Variants in RASSF1 observed in about 807,000 individuals in gnomAD.
The protein encoded by RASSF1 is ras association domain-containing protein 1.
In RASSF1, 33 loss-of-function variants were observed where a neutral mutation model predicts 34.3. The observed-to-expected ratio is 0.96, with a 90% CI of 0.73 to 1.29. RASSF1 has a LOEUF of 1.29. Among genes scored for constraint, RASSF1 ranks in the 50% most tolerant of loss-of-function variants. The pLI is 0.00. For missense variants in RASSF1, 445 were observed against 471.8 expected, an observed-to-expected ratio of 0.94 and a Z score of 0.53; for synonymous variants, 191 against 195.0, an observed-to-expected ratio of 0.98 and a Z score of 0.17.
intron 2 of RASSF1, among the ~76,000 whole-genome samples, chr3:50,335,673 T>C (rs1264777932): frequency 6.6e-6 from 1 of 152,138 alleles, no homozygotes; most frequent in Non-Finnish European, 1.5e-5. Flanking sequence ...TGGAGTGCAG[T>C]GGCACGATCT....
rs1371439196 is a variant in RASSF1, at chr3:50,340,799, C to T, written c.7G>A (p.Gly3Arg). MS[G>R]EPELIELREL... is the part of the protein sequence containing the mutation. ...CGCAGCTCAATGAGCTCAGGCTCCCCCGACATGGCCCGGTTGGGCCCGTGC... is the reference window on the plus strand; with the variant it reads ...CGCAGCTCAATGAGCTCAGGCTCCCTCGACATGGCCCGGTTGGGCCCGTGC... The change falls in exon 1 of 6, where the codon GGG becomes AGG. Residue 3 changes from glycine to arginine, a missense_variant. Coordinates refer to ENST00000359365, the MANE Select transcript of RASSF1 (RefSeq NM_007182.5). 5 of 1,507,076 alleles carry T rather than the reference C, an allele frequency of 3.3e-6. No homozygotes were observed. The African/African-American group carries it at 4.4e-5, about 13-fold the overall frequency. The allele number at this position is 1,507,076 out of a possible 1,614,324, so 93.4% of individuals were successfully genotyped here.
intron 2 of RASSF1, chr3:50,337,007 G>A (rs1195784961): frequency 2.0e-6 from 2 of 977,550 alleles, no homozygotes; most frequent in Non-Finnish European, 2.9e-6. Flanking sequence ...TGGAATCGGG[G>A]TCTTACGCAC....
intron 2 of RASSF1, chr3:50,337,325 T>C (rs1559845118): frequency 6.2e-7 from 1 of 1,611,474 alleles, no homozygotes; most frequent in Non-Finnish European, 8.5e-7. Context: ...CCCATAGCCG[T>C]ACCCGCCCGT....
At position 50,330,631 on chromosome 3, in the gene RASSF1, A is replaced by C. The variant is rs528963906; in HGVS notation, c.973T>G (p.Tyr325Asp). 3 of 1,614,170 alleles carry C rather than the reference A, an allele frequency of 1.9e-6. No individual in the cohort carries two copies. Among genetic ancestry groups the C allele is most frequent in the Non-Finnish European group, 2.5e-6 (3 of 1,180,018 alleles). The change falls in exon 6 of 6, where the codon TAT (tyrosine) becomes GAT (aspartate). Residue 325 changes from tyrosine (Y) to aspartate (D), a missense_variant. Transcript: ENST00000359365. This position sits in a 1 kb window ranked among gnomAD's most constrained non-coding sequence, Gnocchi z 4.5. ...HLRQILQKYS[Y>D]CRQKIQEALH... The stretch of plus-strand genomic sequence containing the variant: ...GCCTCTTGGATCTTCTGGCGGCAAT[A>C]GGAGTACTTCTGCAGGATCTGGCGG...
intron 2 of RASSF1, chr3:50,336,968 G>A: frequency 1.4e-6 from 1 of 708,872 alleles, no homozygotes; most frequent in South Asian, 1.9e-5. Context: ...CAGAAACCAA[G>A]GGGGCCCCGG....
In RASSF1 at chr3:50,337,708, G is replaced by A. The variant is rs995225357; in HGVS notation, c.357+197C>T. 13 of 835,574 alleles carry A rather than the reference G, an allele frequency of 1.6e-5. No individual in the cohort carries two copies. In the African/African-American group the frequency reaches 1.7e-4, roughly 11 times the overall value. 51.8% of individuals were successfully genotyped at this position (835,574 alleles called of 1,614,324 possible). A position where few individuals can be genotyped will look rare whatever the true frequency, so the allele number is the denominator to read the frequency against. On this transcript the variant is annotated intron_variant, in intron 2 of 5. Coordinates refer to ENST00000359365, the MANE Select transcript of RASSF1 (RefSeq NM_007182.5). Reference sequence around the variant, plus strand: ...GGTCAGCCTGGGCCCGGGTCCGCTTGCAGCGGGTGGAGTACTTGCGGAGCC... The same window carrying A: ...GGTCAGCCTGGGCCCGGGTCCGCTTACAGCGGGTGGAGTACTTGCGGAGCC...
intron 2 of RASSF1, among the ~76,000 whole-genome samples, 194 bp from the exon 3 acceptor site, chr3:50,332,348 C>T (rs915525470): frequency 6.6e-6 from 1 of 152,226 alleles, no homozygotes; most frequent in Non-Finnish European, 1.5e-5. Flanking sequence ...AAGGGAAAGA[C>T]AGAATCATTT....
chr3:50,331,877 A>C, intron 3 of RASSF1, 21 bp from the exon 4 acceptor site: 1 of 1,547,420 alleles, frequency 6.5e-7, no homozygotes, highest in Non-Finnish European at 8.7e-7. Flanking sequence ...AGAGAAACCA[A>C]ACCTTGATAA....
Position 50,337,442 on chromosome 3 carries a change from G to T in RASSF1, c.357+463C>A. 5 of 1,577,990 alleles carry T rather than the reference G, an allele frequency of 3.2e-6. No individual in the cohort carries two copies. In the Middle Eastern group the frequency reaches 5.0e-4, roughly 158 times the overall value. On this transcript the variant is annotated intron_variant, in intron 2 of 5. Coordinates refer to ENST00000359365, the MANE Select transcript of RASSF1 (RefSeq NM_007182.5). ...CCCGGGCCAGAGCCGCGCCGCAACC[G>T]TTAAGACTGAAACGTAGATCGCCGG... is the stretch of plus-strand genomic sequence containing the variant.
intron 1 of RASSF1, among the ~76,000 whole-genome samples, chr3:50,339,660 C>T (rs966305762): frequency 2.6e-5 from 4 of 152,146 alleles, no homozygotes; most frequent in Admixed American, 2.0e-4. Flanking sequence ...TGAGCCACCG[C>T]GCTCGGCCCC....
At chr3:50,337,865 C>A (rs1360966446) in intron 2 of RASSF1, 40 bp downstream of exon 2, 4 of 1,515,154 alleles carry the variant, frequency 2.6e-6, no homozygotes, top group Non-Finnish European at 3.6e-6. Flanking sequence ...GTGGCCTGCC[C>A]ATCCTCGCCC....
chr3:50,336,322 C>A (rs941457142), intron 2 of RASSF1: 7 of 152,216 alleles, frequency 4.6e-5, no homozygotes, highest in Non-Finnish European at 1.5e-5. Flanking sequence ...TTCTGCCAGG[C>A]ATACTGAGCT....
Position 50,331,376 on chromosome 3 carries a change from G to C in RASSF1, c.834C>G (p.Ala278=). The C allele has an allele frequency of 2.5e-6, 4 of 1,606,614 alleles. No individual in the cohort carries two copies. The highest frequency in any genetic ancestry group is 2.6e-6 in the Non-Finnish European group (3 of 1,175,530). Residue 278 remains alanine, a synonymous_variant, in exon 5 of 6, where the codon GCC becomes GCG. Transcript: ENST00000359365. ...CATTTTCCTTCAGGACAAAGCTCAG[G>C]GCCTTGTCACTGGGCCCTGCCAGGA... ...LRLLAGPSDK[A]LSFVLKENDS...
At chr3:50,337,367 C>A in intron 2 of RASSF1, 1 of 1,602,094 alleles carries the variant, frequency 6.2e-7, no homozygotes. Context: ...AGCCGCCAAC[C>A]ACCGCCCCGG....
chr3:50,337,657 C>T, intron 2 of RASSF1: 6 of 907,514 alleles, frequency 6.6e-6, no homozygotes, highest in Non-Finnish European at 6.6e-6. Context: ...CGGGAAGGTG[C>T]GGGAAGTGCG....
Position 50,330,152 on chromosome 3 carries a change from C to A in RASSF1, c.*429G>T. The A allele has an allele frequency of 6.0e-6, 1 of 166,202 alleles. No individual in the cohort carries two copies. Among genetic ancestry groups the A allele is most frequent in the Non-Finnish European group, 1.3e-5 (1 of 76,280 alleles). 10.3% of individuals were successfully genotyped at this position (166,202 alleles called of 1,614,324 possible). A position where few individuals can be genotyped will look rare whatever the true frequency, so the allele number is the denominator to read the frequency against. On this transcript the variant is annotated 3_prime_UTR_variant, in exon 6 of 6. Transcript: ENST00000359365. The surrounding 1 kb of genome is among the most constrained non-coding windows in gnomAD (Gnocchi z 4.5). ...TGCCTGCCTTATTCTGAGCACCCAC[C>A]CTTAGCTCTGATAAGGATATCCTGA... is the stretch of plus-strand genomic sequence containing the variant.
At chr3:50,335,476 C>G (rs1703103819) in intron 2 of RASSF1, among the ~76,000 whole-genome samples, 1 of 152,014 alleles carries the variant, frequency 6.6e-6, no homozygotes, top group Admixed American at 6.6e-5. Flanking sequence ...ACCACCATGG[C>G]CAGATAATTT....
In RASSF1 at chr3:50,337,903, A is replaced by G. The variant is rs758634459; in HGVS notation, c.357+2T>C. 2 of 1,599,752 alleles carry G rather than the reference A, an allele frequency of 1.3e-6. No individual in the cohort carries two copies. The highest frequency in any genetic ancestry group is 1.7e-6 in the Non-Finnish European group (2 of 1,168,052). ...CCCATACGCCCTCGGCCCCGCGCTC[A>G]CCACGTTCGTGTCCCGCTCCACCGC... is the stretch of plus-strand genomic sequence containing the variant. On this transcript the variant is annotated splice_donor_variant, in intron 2 of 5. Transcript: ENST00000359365. LOFTEE classifies it high-confidence loss of function.
In RASSF1 at chr3:50,330,816, C is replaced by T. The variant is rs1055813259; in HGVS notation, c.877-89G>A. The T allele has an allele frequency of 7.0e-7, 1 of 1,420,904 alleles. No individual in the cohort carries two copies. The highest frequency in any genetic ancestry group is 1.4e-5 in the African/African-American group (1 of 70,786). 88.0% of individuals were successfully genotyped at this position (1,420,904 alleles called of 1,614,324 possible). A position where few individuals can be genotyped will look rare whatever the true frequency, so the allele number is the denominator to read the frequency against. On this transcript the variant is annotated intron_variant, in intron 5 of 5. Transcript: ENST00000359365. The surrounding 1 kb of genome is among the most constrained non-coding windows in gnomAD (Gnocchi z 4.5). ...CCAGAGAAGACTAGCACCTCATGTTCACACAAGCTAGGACTGGGCTTTCTG... is the reference window on the plus strand; with the variant it reads ...CCAGAGAAGACTAGCACCTCATGTTTACACAAGCTAGGACTGGGCTTTCTG...
Sources: allele counts gnomAD v4.1 joint callset (sites outside exome capture counted in the v4.1 genomes callset), GRCh38; gene constraint gnomAD v4.1.1; non-coding constraint Gnocchi (gnomAD v3.1); transcripts MANE v1.5; gene names NCBI Gene and HGNC (gene_info 2026-07-23, HGNC 2026-07-21).